CAMTA1: variants seen among roughly 807,000 people sequenced by gnomAD.
The protein encoded by CAMTA1 is calmodulin binding transcription activator 1, also known as calmodulin-binding transcription activator 1.
Under a neutral mutation model 170.9 loss-of-function variants are expected in CAMTA1, and 27 were observed. The observed-to-expected ratio is 0.16, with a 90% CI of 0.12 to 0.22. The LOEUF (loss-of-function observed/expected upper bound fraction) is 0.22, where lower values mean the gene tolerates loss of function less well. Among genes scored for constraint, CAMTA1 ranks in the 10% least tolerant of loss-of-function variants. CAMTA1 has a pLI of 1.00. For synonymous variants in CAMTA1, 833 were observed against 891.5 expected (o/e 0.93, Z 1.17); for missense variants, 1,619 against 2,217.2 (o/e 0.73, Z 5.42).
intron 5 of CAMTA1, among the ~76,000 whole-genome samples, chr1:7,442,079 C>G (rs1002872821): frequency 7.9e-5 from 12 of 152,112 alleles, no homozygotes; most frequent in African/African-American, 2.9e-4. Flanking sequence ...CATGGGGTTT[C>G]CATGGAGAAG....
chr1:7,415,795 T>C (rs1447627185), intron 5 of CAMTA1, among the ~76,000 whole-genome samples: 1 of 152,214 alleles, frequency 6.6e-6, no homozygotes, highest in South Asian at 2.1e-4. Flanking sequence ...AATTTGATCC[T>C]GTCATTATGA....
At chr1:7,208,977 C>T (rs115283646) in intron 4 of CAMTA1, among the ~76,000 whole-genome samples, 2,130 of 152,182 alleles carry the variant, frequency 0.014, 23 homozygotes, top group Non-Finnish European at 0.019. Flanking sequence ...TGGGTGGGGC[C>T]GTGGAGACAC....
At chr1:7,112,453 G>T (rs1644117177) in intron 4 of CAMTA1, among the ~76,000 whole-genome samples, 1 of 152,204 alleles carries the variant, frequency 6.6e-6, no homozygotes. Context: ...TACAGACAGA[G>T]GATGAAGCAC....
chr1:7,148,825 T>C lies in CAMTA1; in HGVS notation c.302+57454T>C, dbSNP rs533487002. On this transcript the variant is annotated intron_variant, in intron 4 of 22. Coordinates refer to ENST00000303635, the MANE Select transcript of CAMTA1 (RefSeq NM_015215.4). ...TGACTGCCAGTGGGCAACATTACTC[T>C]CTGGCCTGCCTCACCATTGGGCTGT... 4.3e-4 allele frequency among the ~76,000 whole-genome samples: 66 copies of C among 152,234 alleles called. 1 individual carries two copies. The highest frequency in any genetic ancestry group is 6.6e-4 in the Non-Finnish European group (45 of 68,038).
intron 4 of CAMTA1, among the ~76,000 whole-genome samples, chr1:7,102,084 G>T (rs1642812554): frequency 6.6e-6 from 1 of 151,024 alleles, no homozygotes; most frequent in East Asian, 2.0e-4. Flanking sequence ...TCCTGTATTG[G>T]TCACTGTTCT....
intron 4 of CAMTA1, among the ~76,000 whole-genome samples, chr1:7,110,278 C>T (rs954838318): frequency 6.6e-6 from 1 of 151,716 alleles, no homozygotes; most frequent in African/African-American, 2.4e-5. Context: ...ACCCCCCTTC[C>T]CCCCTTTTTT....
intron 11 of CAMTA1, among the ~76,000 whole-genome samples, chr1:7,688,162 C>T (rs2096275021): frequency 6.8e-6 from 1 of 147,966 alleles, no homozygotes; most frequent in Non-Finnish European, 1.5e-5. Flanking sequence ...GTGTGCACCA[C>T]CACACCCAGC....
At position 7,335,279 on chromosome 1, in the gene CAMTA1, C is replaced by A. The variant is rs185625304; in HGVS notation, c.438+85653C>A. On this transcript the variant is annotated intron_variant, in intron 5 of 22. Transcript: ENST00000303635. Reference sequence around the variant, plus strand: ...TTCAGGGTAATCCCGGTTTGCCTTGCAAAGCTGAGGAAATGAGGAATGTCA... The same window carrying A: ...TTCAGGGTAATCCCGGTTTGCCTTGAAAAGCTGAGGAAATGAGGAATGTCA... 2.3e-3 allele frequency among the ~76,000 whole-genome samples: 332 copies of A among 145,356 alleles called. 1 individual carries two copies. Among genetic ancestry groups the A allele is most frequent in the African/African-American group, 8.0e-3 (320 of 39,972 alleles).
Position 7,300,273 on chromosome 1 carries a change from G to A in CAMTA1, c.438+50647G>A, listed in dbSNP as rs1674569130. Among the ~76,000 whole-genome samples the A allele has an allele frequency of 1.3e-5, 2 of 152,110 alleles. No homozygotes were observed. Among genetic ancestry groups the A allele is most frequent in the South Asian group, 4.1e-4 (2 of 4,820 alleles). ...TAGACCCTGGCACAGAATCACCCTG[G>A]TCCCCACTCTGGTCCTCCCTTCCAG... On this transcript the variant is annotated intron_variant, in intron 5 of 22. Transcript: ENST00000303635. This position sits in a 1 kb window ranked among gnomAD's most constrained non-coding sequence, Gnocchi z 4.1.
At chr1:7,175,490 G>A (rs1650602534) in intron 4 of CAMTA1, among the ~76,000 whole-genome samples, 1 of 152,236 alleles carries the variant, frequency 6.6e-6, no homozygotes, top group South Asian at 2.1e-4. Context: ...TCAGCAGAAA[G>A]GCACCCCGCC....
At position 7,286,705 on chromosome 1, in the gene CAMTA1, C is replaced by T. The variant is rs926133317; in HGVS notation, c.438+37079C>T. Among the ~76,000 whole-genome samples the T allele has an allele frequency of 6.6e-6, 1 of 152,102 alleles. No individual in the cohort carries two copies. Among genetic ancestry groups the T allele is most frequent in the African/African-American group, 2.4e-5 (1 of 41,396 alleles). ...AGATTGTAAAGGGTCTTAAATGACC[C>T]CAAATATCCCTGCCTAACAGTCAAC... On this transcript the variant is annotated intron_variant, in intron 5 of 22. Transcript: ENST00000303635. The surrounding 1 kb of genome is among the most constrained non-coding windows in gnomAD (Gnocchi z 4.2).
In CAMTA1 at chr1:7,173,751, C is replaced by T. The variant is rs743981; in HGVS notation, c.303-75740C>T. ...CTTCTTTACATGGTCCCTGGCTTGA[C>T]TGGGGGTTGGGAGGTGCAAGGAGGA... is the stretch of plus-strand genomic sequence containing the variant. On this transcript the variant is annotated intron_variant, in intron 4 of 22. Transcript: ENST00000303635. This position sits in a 1 kb window ranked among gnomAD's most constrained non-coding sequence, Gnocchi z 5.4. Among the ~76,000 whole-genome samples the T allele has an allele frequency of 0.59, 89,798 of 151,318 alleles. 26,884 individuals carry two copies. The highest frequency in any genetic ancestry group is 0.64 in the Admixed American group (9,677 of 15,204).
intron 11 of CAMTA1, among the ~76,000 whole-genome samples, chr1:7,723,837 A>T (rs1364914319): frequency 3.9e-5 from 6 of 152,200 alleles, no homozygotes; most frequent in Non-Finnish European, 8.8e-5. Context: ...TTGGAGATAG[A>T]GTTTCACTCT....
At chr1:7,606,362 G>GTTGA (rs2095486664) in intron 6 of CAMTA1, among the ~76,000 whole-genome samples, 1 of 152,140 alleles carries the variant, frequency 6.6e-6, no homozygotes, top group Non-Finnish European at 1.5e-5. Flanking sequence ...CACTTGTTGG[G>GTTGA]CAGCAATGTG....
At chr1:6,901,860 A>G (rs774668468) in intron 3 of CAMTA1, among the ~76,000 whole-genome samples, 33 of 152,240 alleles carry the variant, frequency 2.2e-4, no homozygotes, top group Non-Finnish European at 4.6e-4. Context: ...AGCCTGGCCA[A>G]CATGGTGAAA....
chr1:6,856,683 A>G (rs1373084291), intron 3 of CAMTA1, among the ~76,000 whole-genome samples: 1 of 152,224 alleles, frequency 6.6e-6, no homozygotes, highest in Non-Finnish European at 1.5e-5. Context: ...ACACAGTGCT[A>G]TAAAGGGTGT....
intron 4 of CAMTA1, among the ~76,000 whole-genome samples, chr1:7,157,554 G>A (rs1646968255): frequency 6.6e-6 from 1 of 152,110 alleles, no homozygotes; most frequent in African/African-American, 2.4e-5. Context: ...ACCATAAGCT[G>A]GCAAGGTTGT....
At chr1:6,886,722 C>G (rs1673334262) in intron 3 of CAMTA1, among the ~76,000 whole-genome samples, 1 of 152,228 alleles carries the variant, frequency 6.6e-6, no homozygotes, top group African/African-American at 2.4e-5. Flanking sequence ...CCAGCTCATC[C>G]CATGAAAACT....
intron 5 of CAMTA1, among the ~76,000 whole-genome samples, chr1:7,450,933 C>A (rs533224138): frequency 6.6e-6 from 1 of 152,320 alleles, no homozygotes; most frequent in African/African-American, 2.4e-5. Context: ...GAGGATCATC[C>A]TAGAGGCTGC....
Sources: gnomAD v4.1 joint callset for allele counts (sites outside exome capture counted in the v4.1 genomes callset) on GRCh38, gnomAD v4.1.1 for gene constraint, Gnocchi (gnomAD v3.1) non-coding constraint, MANE v1.5 for transcripts, NCBI Gene and HGNC (gene_info 2026-07-23, HGNC 2026-07-21) for gene names.